Variants in SLIT2 observed in about 807,000 individuals in gnomAD.
The protein encoded by SLIT2 is slit guidance ligand 2.
In SLIT2, 41 loss-of-function variants were observed where a neutral mutation model predicts 185.7. The observed-to-expected ratio is 0.22, with a 90% confidence interval of 0.17 to 0.29. SLIT2 has a LOEUF of 0.29. Among genes scored for constraint, SLIT2 ranks in the 10% least tolerant of loss-of-function variants. The pLI is 1.00. For synonymous variants in SLIT2, 693 were observed against 680.2 expected, an observed-to-expected ratio of 1.02 and a Z score of -0.29; for missense variants, 1,571 against 1,909.0, an observed-to-expected ratio of 0.82 and a Z score of 3.30.
At chr4:20,347,418 G>A (rs1721519175) in intron 4 of SLIT2, among the ~76,000 whole-genome samples, 1 of 152,152 alleles carries the variant, frequency 6.6e-6, no homozygotes, top group African/African-American at 2.4e-5. Flanking sequence ...AGTGCAGTTT[G>A]ATTTCATGAG....
At chr4:20,547,037 T>C (rs1723307658) in intron 22 of SLIT2, among the ~76,000 whole-genome samples, 1 of 152,080 alleles carries the variant, frequency 6.6e-6, no homozygotes, top group African/African-American at 2.4e-5. Flanking sequence ...GCAAAAAATA[T>C]TACATGCCCC....
chr4:20,437,193 G>C (rs1177549226), intron 4 of SLIT2, among the ~76,000 whole-genome samples: 2 of 152,016 alleles, frequency 1.3e-5, no homozygotes, highest in Non-Finnish European at 2.9e-5. Context: ...ATCTCCATTT[G>C]GATGTCTGCT....
intron 12 of SLIT2, among the ~76,000 whole-genome samples, chr4:20,520,653 T>C (rs1720758703): frequency 6.6e-6 from 1 of 152,164 alleles, no homozygotes; most frequent in African/African-American, 2.4e-5. Context: ...TGTCTTAAAC[T>C]TTTTCACCAT....
chr4:20,254,056 G>A lies in SLIT2; in HGVS notation c.179+62G>A. The A allele has an allele frequency of 1.1e-5, 17 of 1,515,664 alleles. No homozygotes were observed. Among genetic ancestry groups the A allele is most frequent in the Non-Finnish European group, 1.5e-5 (17 of 1,116,370 alleles). 93.9% of individuals were successfully genotyped at this position (1,515,664 alleles called of 1,614,324 possible). A position where few individuals can be genotyped will look rare whatever the true frequency, so the allele number is the denominator to read the frequency against. On this transcript the variant is annotated intron_variant, in intron 1 of 36. Transcript: ENST00000504154. This position sits in a 1 kb window ranked among gnomAD's most constrained non-coding sequence, Gnocchi z 5.1. Reference sequence around the variant, plus strand: ...CGGGCCGCGCACCCCTGCCTCCACTGGAGGAACCTGTCAGCTCAGGGTCCT... The same window carrying A: ...CGGGCCGCGCACCCCTGCCTCCACTAGAGGAACCTGTCAGCTCAGGGTCCT...
intron 4 of SLIT2, among the ~76,000 whole-genome samples, chr4:20,283,925 C>A (rs1176374085): frequency 6.6e-6 from 1 of 152,156 alleles, no homozygotes; most frequent in Non-Finnish European, 1.5e-5. Flanking sequence ...ATCTATTCTT[C>A]TCCTTTGGTT....
Position 20,480,895 on chromosome 4 carries a change from T to C in SLIT2, c.539+108T>C. 5 of 798,268 alleles carry C rather than the reference T, an allele frequency of 6.3e-6. No homozygotes were observed. In the South Asian group the frequency reaches 7.5e-5, roughly 12 times the overall value. The allele number at this position is 798,268 out of a possible 1,614,324, so 49.4% of individuals were successfully genotyped here. On this transcript the variant is annotated intron_variant, in intron 6 of 36. Transcript: ENST00000504154. The stretch of plus-strand genomic sequence containing the variant: ...AAAACCTTGTTGTCAAAATAGTCTC[T>C]CAAGAGATACCTTAAATAACTCATG...
At chr4:20,420,821 G>A in intron 4 of SLIT2, among the ~76,000 whole-genome samples, 1 of 152,100 alleles carries the variant, frequency 6.6e-6, no homozygotes, top group South Asian at 2.1e-4. Context: ...TGGGATCGAT[G>A]TCTTTATAAG....
intron 4 of SLIT2, among the ~76,000 whole-genome samples, chr4:20,279,040 AAAAAG>A (rs1272683088): frequency 6.6e-6 from 1 of 152,208 alleles, no homozygotes; most frequent in East Asian, 1.9e-4. Context: ...CTCAGAAACT[AAAAAG>A]AAATATTTCA....
intron 4 of SLIT2, among the ~76,000 whole-genome samples, chr4:20,428,707 G>A (rs1334663496): frequency 1.3e-5 from 2 of 152,112 alleles, no homozygotes; most frequent in African/African-American, 4.8e-5. Context: ...TTTCCACTGG[G>A]TTCCTGGCCT....
chr4:20,450,684 T>C (rs561774204), intron 4 of SLIT2, among the ~76,000 whole-genome samples: 196 of 152,344 alleles, frequency 1.3e-3, no homozygotes, highest in Non-Finnish European at 2.1e-3. Flanking sequence ...TTCCACCCTC[T>C]TCCAATTTTA....
At chr4:20,262,590 T>G (rs778307504) in intron 3 of SLIT2, among the ~76,000 whole-genome samples, 52 of 151,882 alleles carry the variant, frequency 3.4e-4, no homozygotes, top group Non-Finnish European at 5.9e-4. Context: ...CTGGTATCTT[T>G]CCACACAAGT....
chr4:20,287,869 T>G (rs767822188), intron 4 of SLIT2, among the ~76,000 whole-genome samples: 3 of 152,160 alleles, frequency 2.0e-5, no homozygotes, highest in African/African-American at 4.8e-5. Context: ...ATAAGGTCTT[T>G]TCTTAAAAAC....
At chr4:20,518,209 T>TTA (rs202007266) in intron 11 of SLIT2, among the ~76,000 whole-genome samples, 11 of 139,498 alleles carry the variant, frequency 7.9e-5, no homozygotes, top group East Asian at 4.0e-4. Context: ...ATACATATAT[T>TTA]TATATATATA....
intron 4 of SLIT2, among the ~76,000 whole-genome samples, chr4:20,457,659 A>G (rs566394723): frequency 2.0e-5 from 3 of 152,296 alleles, no homozygotes; most frequent in South Asian, 2.1e-4. Flanking sequence ...GTGCAGTGGC[A>G]TAATGATCAC....
intron 4 of SLIT2, among the ~76,000 whole-genome samples, chr4:20,426,466 G>A (rs1308859081): frequency 1.3e-5 from 2 of 152,164 alleles, no homozygotes; most frequent in Non-Finnish European, 2.9e-5. Flanking sequence ...ACTAGATTTA[G>A]CAGTGTGTTA....
intron 4 of SLIT2, among the ~76,000 whole-genome samples, chr4:20,329,280 A>G (rs766914157): frequency 3.9e-5 from 6 of 152,030 alleles, no homozygotes; most frequent in African/African-American, 1.2e-4. Flanking sequence ...GGAGACAAAT[A>G]TAAATAAACA....
intron 4 of SLIT2, among the ~76,000 whole-genome samples, chr4:20,427,726 A>G (rs1044257802): frequency 5.9e-5 from 9 of 151,722 alleles, no homozygotes; most frequent in African/African-American, 1.5e-4. Flanking sequence ...ACTACTGTCA[A>G]TAGTCTTCTA....
intron 12 of SLIT2, among the ~76,000 whole-genome samples, chr4:20,520,898 T>C (rs1012618706): frequency 2.0e-5 from 3 of 152,128 alleles, no homozygotes; most frequent in African/African-American, 4.8e-5. Context: ...TTTATTTGGG[T>C]TTCAGATTTT....
At chr4:20,519,735 ATC>A (rs1364228349) in intron 12 of SLIT2, among the ~76,000 whole-genome samples, 1 of 152,094 alleles carries the variant, frequency 6.6e-6, no homozygotes, top group Admixed American at 6.6e-5. Context: ...TTTGTAAAAC[ATC>A]TCTGTTTTAA....
Sources: allele counts gnomAD v4.1 joint callset (sites outside exome capture counted in the v4.1 genomes callset), GRCh38; gene constraint gnomAD v4.1.1; non-coding constraint Gnocchi (gnomAD v3.1); transcripts MANE v1.5; gene names NCBI Gene and HGNC (gene_info 2026-07-23, HGNC 2026-07-21).